SEMA5A: variants seen among roughly 807,000 people sequenced by gnomAD.
The protein encoded by SEMA5A is semaphorin-5A.
In SEMA5A, 55 loss-of-function variants were observed where a neutral mutation model predicts 135.5. The observed-to-expected ratio is 0.41, with a 90% CI of 0.33 to 0.51. The LOEUF is 0.51. Among genes scored for constraint, SEMA5A ranks in the 20% least tolerant of loss-of-function variants. The pLI is 0.37. For missense variants in SEMA5A, 1,290 were observed against 1,419.9 expected, an observed-to-expected ratio of 0.91 and a Z score of 1.47; for synonymous variants, 580 against 546.5, an observed-to-expected ratio of 1.06 and a Z score of -0.85.
intron 1 of SEMA5A, among the ~76,000 whole-genome samples, chr5:9,538,204 CT>C (rs1355641369): frequency 8.2e-5 from 12 of 146,694 alleles, no homozygotes; most frequent in African/African-American, 3.0e-4. Context: ...TACATTTTAA[CT>C]GCAAAATGTG....
intron 1 of SEMA5A, among the ~76,000 whole-genome samples, chr5:9,448,023 G>A (rs921762720): frequency 9.2e-5 from 14 of 152,194 alleles, no homozygotes; most frequent in East Asian, 5.8e-4. Context: ...CCAAAAGGTC[G>A]GCATGTCCTG....
intron 1 of SEMA5A, among the ~76,000 whole-genome samples, chr5:9,524,653 T>C (rs1737024063): frequency 6.6e-6 from 1 of 152,222 alleles, no homozygotes; most frequent in Admixed American, 6.5e-5. Context: ...TTTGTTATAG[T>C]AGCCCTAAGA....
intron 1 of SEMA5A, among the ~76,000 whole-genome samples, chr5:9,508,017 AG>A (rs57856353): frequency 0.9 from 132,206 of 147,230 alleles, 59,617 homozygotes; most frequent in Middle Eastern, 0.95. Flanking sequence ...AAAAAAAAAA[AG>A]AAAAGAAAAA....
chr5:9,152,552 C>T (rs1428316268), intron 12 of SEMA5A, among the ~76,000 whole-genome samples: 1 of 152,188 alleles, frequency 6.6e-6, no homozygotes, highest in Non-Finnish European at 1.5e-5. Context: ...CCTCAACTCT[C>T]TCTCTCATTT....
At chr5:9,183,189 A>G (rs1482456312) in intron 11 of SEMA5A, among the ~76,000 whole-genome samples, 1 of 152,124 alleles carries the variant, frequency 6.6e-6, no homozygotes, top group African/African-American at 2.4e-5. Flanking sequence ...ATGATTTGTT[A>G]CCATGGGGCT....
At chr5:9,250,348 G>T (rs1748708334) in intron 5 of SEMA5A, among the ~76,000 whole-genome samples, 1 of 152,122 alleles carries the variant, frequency 6.6e-6, no homozygotes, top group Non-Finnish European at 1.5e-5. Flanking sequence ...CATTCCTTAA[G>T]CTGGGTTTGG....
chr5:9,088,554 C>T (rs993694470), intron 16 of SEMA5A, among the ~76,000 whole-genome samples: 6 of 148,296 alleles, frequency 4.0e-5, no homozygotes, highest in African/African-American at 7.4e-5. Flanking sequence ...TACAAAATGT[C>T]GGGAATGAGA....
intron 18 of SEMA5A, among the ~76,000 whole-genome samples, chr5:9,056,484 A>G (rs1203948139): frequency 6.6e-6 from 1 of 152,192 alleles, no homozygotes; most frequent in Non-Finnish European, 1.5e-5. Flanking sequence ...CATTTTGGGA[A>G]GCCAAGACAG....
chr5:9,487,501 G>A (rs987257573), intron 1 of SEMA5A, among the ~76,000 whole-genome samples: 14 of 152,120 alleles, frequency 9.2e-5, no homozygotes, highest in African/African-American at 3.1e-4. Flanking sequence ...TGGAGGTTTG[G>A]GGGAAAGATG....
chr5:9,208,564 A>G (rs1400805410), intron 8 of SEMA5A, among the ~76,000 whole-genome samples: 2 of 152,174 alleles, frequency 1.3e-5, no homozygotes, highest in African/African-American at 2.4e-5. Context: ...GGGAAAGGGC[A>G]GAGGTGAGGC....
At chr5:9,438,844 C>T (rs1022634602) in intron 1 of SEMA5A, among the ~76,000 whole-genome samples, 6 of 152,200 alleles carry the variant, frequency 3.9e-5, no homozygotes, top group Non-Finnish European at 8.8e-5. Flanking sequence ...AGTCATGATC[C>T]GAGGCCATCT....
chr5:9,427,310 G>A lies in SEMA5A; in HGVS notation c.-78+10446C>T, dbSNP rs187133832. Reference sequence around the variant, plus strand: ...TGGGTAACAGAGAAGACTCTGTCTCGGGGGGGAAAAAGATGAAATCAACTC... The same window carrying A: ...TGGGTAACAGAGAAGACTCTGTCTCAGGGGGGAAAAAGATGAAATCAACTC... On this transcript the variant is annotated intron_variant, in intron 2 of 22. Transcript: ENST00000382496. Among the ~76,000 whole-genome samples the A allele has an allele frequency of 4.7e-3, 695 of 146,664 alleles. 3 individuals carry two copies. Among genetic ancestry groups the A allele is most frequent in the African/African-American group, 0.013 (523 of 41,046 alleles).
intron 11 of SEMA5A, among the ~76,000 whole-genome samples, chr5:9,159,993 G>A (rs140335396): frequency 6.6e-6 from 1 of 152,190 alleles, no homozygotes; most frequent in Non-Finnish European, 1.5e-5. Flanking sequence ...TTAAGTGGGA[G>A]TTGAACATTG....
chr5:9,105,966 G>A (rs977567789), intron 16 of SEMA5A, among the ~76,000 whole-genome samples: 2 of 152,066 alleles, frequency 1.3e-5, no homozygotes, highest in African/African-American at 2.4e-5. Context: ...CAAAGAAACC[G>A]AGCCCTTCCT....
In SEMA5A at chr5:9,039,559, G is replaced by A. The variant is rs115588239; in HGVS notation, c.*3338C>T. 6.6e-6 allele frequency: 1 copy of A among 152,230 alleles called. No individual in the cohort carries two copies. Among genetic ancestry groups the A allele is most frequent in the Admixed American group, 6.5e-5 (1 of 15,286 alleles). 9.4% of individuals were successfully genotyped at this position (152,230 alleles called of 1,614,324 possible). A position where few individuals can be genotyped will look rare whatever the true frequency, so the allele number is the denominator to read the frequency against. The stretch of plus-strand genomic sequence containing the variant: ...CAAATATGAATGGTAACTCTAGTGA[G>A]AGCCTACTTGAACAGGCTTAGGGAA... On this transcript the variant is annotated 3_prime_UTR_variant, in exon 23 of 23. Coordinates refer to ENST00000382496, the MANE Select transcript of SEMA5A (RefSeq NM_003966.3).
chr5:9,117,858 G>C (rs1449228417), intron 15 of SEMA5A, among the ~76,000 whole-genome samples: 2 of 145,958 alleles, frequency 1.4e-5, no homozygotes, highest in Non-Finnish European at 1.5e-5. Context: ...GAAAATGACA[G>C]GGCTTGCACA....
chr5:9,113,562 GATAA>G (rs1410024669), intron 15 of SEMA5A, among the ~76,000 whole-genome samples: 4 of 152,022 alleles, frequency 2.6e-5, no homozygotes, highest in African/African-American at 7.3e-5. Flanking sequence ...TTTTGTACAT[GATAA>G]ATATTTACAA....
intron 11 of SEMA5A, among the ~76,000 whole-genome samples, chr5:9,188,083 G>A (rs1484329277): frequency 7.2e-5 from 11 of 152,196 alleles, no homozygotes; most frequent in East Asian, 3.9e-4. Flanking sequence ...ATTAGGAGAC[G>A]GGGCTTTAGG....
intron 5 of SEMA5A, among the ~76,000 whole-genome samples, chr5:9,289,189 T>C (rs1287304226): frequency 6.6e-6 from 1 of 152,170 alleles, no homozygotes; most frequent in African/African-American, 2.4e-5. Flanking sequence ...TGTATATAAG[T>C]ATATTTTAAA....
Sources: gnomAD v4.1 joint callset for allele counts (sites outside exome capture counted in the v4.1 genomes callset) on GRCh38, gnomAD v4.1.1 for gene constraint, MANE v1.5 for transcripts, NCBI Gene and HGNC (gene_info 2026-07-23, HGNC 2026-07-21) for gene names.